The following SLC7A2 variants were observed in gnomAD, a reference collection of about 807,000 sequenced individuals.
SLC7A2 encodes solute carrier family 7 member 2.
Under a neutral mutation model 58.9 loss-of-function variants are expected in SLC7A2, and 48 were observed. The observed-to-expected ratio is 0.82, with a 90% confidence interval of 0.65 to 1.04. SLC7A2 has a LOEUF of 1.04. Among genes scored for constraint, SLC7A2 ranks in the 50% least tolerant of loss-of-function variants. The pLI is 0.00. For missense variants in SLC7A2, 1,029 were observed against 818.8 expected (o/e 1.26, Z -3.13); for synonymous variants, 363 against 314.5 (o/e 1.15, Z -1.63).
At position 17,550,372 on chromosome 8, in the gene SLC7A2, C is replaced by T. The variant is rs149557933; in HGVS notation, c.770C>T (p.Thr257Met). 2.7e-5 allele frequency: 44 copies of T among 1,613,866 alleles called. 1 individual carries two copies. The highest frequency in any genetic ancestry group is 1.5e-4 in the African/African-American group (11 of 74,884). The change falls in exon 6 of 13, where the codon ACG (threonine) becomes ATG (methionine). Residue 257 changes from threonine to methionine, a missense_variant. Coordinates refer to ENST00000494857, the MANE Select transcript of SLC7A2 (RefSeq NM_001370338.1). ...TTTATGCCTTATGGCTTTACGGGAACGTTGGCTGGTGCTGCAACTTGCTTT... is the reference window on the plus strand; with the variant it reads ...TTTATGCCTTATGGCTTTACGGGAATGTTGGCTGGTGCTGCAACTTGCTTT... ...GGFMPYGFTGTLAGAATCFYA... is the reference protein window; with the variant it reads ...GGFMPYGFTGMLAGAATCFYA...
At position 17,543,549 on chromosome 8, in the gene SLC7A2, G is replaced by T. The variant is rs141387723; in HGVS notation, c.210G>T (p.Val70=). ...AKADSGPSIV[V]SFLIAALASV... is the part of the protein sequence containing the mutation. ...CAGACTCGGGCCCCAGCATCGTGGT[G>T]TCCTTCCTCATTGCTGCCCTGGCTT... The change falls in exon 3 of 13, where the codon GTG becomes GTT. Residue 70 remains valine, a synonymous_variant. Transcript: ENST00000494857. 1 of 1,612,332 alleles carries T rather than the reference G, an allele frequency of 6.2e-7. No individual in the cohort carries two copies. Among genetic ancestry groups the T allele is most frequent in the Non-Finnish European group, 8.5e-7 (1 of 1,179,146 alleles).
At position 17,568,175 on chromosome 8, in the gene SLC7A2, A is replaced by G. The variant is rs997974840; in HGVS notation, c.*3029A>G. On this transcript the variant is annotated 3_prime_UTR_variant, in exon 13 of 13. Coordinates refer to ENST00000494857, the MANE Select transcript of SLC7A2 (RefSeq NM_001370338.1). ...GCAGCTTAAATTACTTTTCTTTTCT[A>G]CATTAAGAAATATATTCTCAACATT... 1.3e-5 allele frequency: 2 copies of G among 152,070 alleles called. No homozygotes were observed. The highest frequency in any genetic ancestry group is 2.1e-4 in the South Asian group (1 of 4,822). The allele number at this position is 152,070 out of a possible 1,614,324, so 9.4% of individuals were successfully genotyped here.
At chr8:17,525,471 A>G (rs189709416) in intron 2 of SLC7A2, among the ~76,000 whole-genome samples, 68 of 152,336 alleles carry the variant, frequency 4.5e-4, no homozygotes, top group Non-Finnish European at 2.6e-4. Context: ...TCAACAAGTT[A>G]TCTTTGCATT....
intron 2 of SLC7A2, among the ~76,000 whole-genome samples, chr8:17,522,031 G>A (rs995490451): frequency 6.6e-6 from 1 of 152,136 alleles, no homozygotes; most frequent in Non-Finnish European, 1.5e-5. Context: ...GGTAAGAGGA[G>A]GAAAATGACC....
Position 17,564,963 on chromosome 8 carries a change from C to A in SLC7A2, c.1794C>A (p.Tyr598Ter). The A allele has an allele frequency of 6.4e-7, 1 of 1,574,648 alleles. No homozygotes were observed. Among genetic ancestry groups the A allele is most frequent in the Non-Finnish European group, 8.6e-7 (1 of 1,164,196 alleles). ...SIWMAIGFLI[Y>*]FSYGIRHSLE... ...CTGCCCCAACAGGCTTCCTGATTTA[C>A]TTTTCTTATGGCATTAGACACAGCC... Residue 598 changes from tyrosine to a stop codon, truncating the protein, a stop_gained, in exon 13 of 13, where the codon TAC becomes TAA. Coordinates refer to ENST00000494857, the MANE Select transcript of SLC7A2 (RefSeq NM_001370338.1). LOFTEE classifies it high-confidence loss of function.
At chr8:17,522,393 G>A (rs1445013835) in intron 2 of SLC7A2, among the ~76,000 whole-genome samples, 1 of 152,176 alleles carries the variant, frequency 6.6e-6, no homozygotes, top group South Asian at 2.1e-4. Flanking sequence ...ATTTGGGTGG[G>A]GACACAGCCA....
chr8:17,568,224 G>A lies in SLC7A2; in HGVS notation c.*3078G>A, dbSNP rs1017497614. The A allele has an allele frequency of 3.8e-4, 58 of 151,302 alleles. No individual in the cohort carries two copies. Among genetic ancestry groups the A allele is most frequent in the Non-Finnish European group, 1.3e-4 (9 of 67,906 alleles). 9.4% of individuals were successfully genotyped at this position (151,302 alleles called of 1,614,324 possible). ...TTTTCAGTGAGAATTTCTTGTAATG[G>A]CACCTCAAATTTTATACTCTTAAAA... On this transcript the variant is annotated 3_prime_UTR_variant, in exon 13 of 13. Transcript: ENST00000494857.
intron 2 of SLC7A2, among the ~76,000 whole-genome samples, chr8:17,541,517 C>T (rs139849037): frequency 6.6e-6 from 1 of 152,274 alleles, no homozygotes; most frequent in African/African-American, 2.4e-5. Flanking sequence ...CATCAAGGAA[C>T]GTGTCCTCTA....
intron 2 of SLC7A2, among the ~76,000 whole-genome samples, chr8:17,513,885 T>A (rs541936945): frequency 6.6e-6 from 1 of 152,266 alleles, no homozygotes; most frequent in Admixed American, 6.5e-5. Context: ...GCCAAAAACC[T>A]GTCATCCTGC....
chr8:17,495,869 G>A (rs1030500161), upstream of SLC7A2, among the ~76,000 whole-genome samples: 1 of 152,128 alleles, frequency 6.6e-6, no homozygotes. Context: ...ACTTTTTGAT[G>A]AAATCCATGG....
At position 17,551,991 on chromosome 8, in the gene SLC7A2, A is replaced by G. The variant is rs1167807261; in HGVS notation, c.1055+5A>G. ...TCTCTGCGCCTTGTCAACAAGGTAC[A>G]TTGCATCGCCTTTGGGGCACGGGCT... is the stretch of plus-strand genomic sequence containing the variant. On this transcript the variant is annotated splice_donor_5th_base_variant and intron_variant, in intron 7 of 12. Coordinates refer to ENST00000494857, the MANE Select transcript of SLC7A2 (RefSeq NM_001370338.1). 1.2e-6 allele frequency: 2 copies of G among 1,613,330 alleles called. No homozygotes were observed. Among genetic ancestry groups the G allele is most frequent in the Admixed American group, 1.7e-5 (1 of 60,018 alleles).
chr8:17,538,693 C>A, intron 2 of SLC7A2: 2 of 1,081,510 alleles, frequency 1.8e-6, no homozygotes, highest in Non-Finnish European at 1.3e-6. Context: ...TTGGACATTG[C>A]AAAATAAAAA....
Position 17,554,663 on chromosome 8 carries a change from C to T in SLC7A2, c.1159C>T (p.Pro387Ser), listed in dbSNP as rs1434129224. Residue 387 changes from proline to serine, a missense_variant, in exon 8 of 13, where the codon CCA becomes TCA. Coordinates refer to ENST00000494857, the MANE Select transcript of SLC7A2 (RefSeq NM_001370338.1). ...TCAAATCAATTCCAAAACGAAGACA[C>T]CAATAATTGCTACTTTATCATCGGG... ...LAQINSKTKTPIIATLSSGAV... is the reference protein window; with the variant it reads ...LAQINSKTKTSIIATLSSGAV... 6.2e-7 allele frequency: 1 copy of T among 1,612,796 alleles called. No homozygotes were observed. The highest frequency in any genetic ancestry group is 2.2e-5 in the East Asian group (1 of 44,810).
At chr8:17,523,094 C>T (rs969590511) in intron 2 of SLC7A2, among the ~76,000 whole-genome samples, 1 of 151,852 alleles carries the variant, frequency 6.6e-6, no homozygotes, top group Non-Finnish European at 1.5e-5. Flanking sequence ...CACTGTGGCA[C>T]ATGTATACCC....
chr8:17,539,307 G>T (rs1330462876), intron 2 of SLC7A2, among the ~76,000 whole-genome samples: 1 of 152,092 alleles, frequency 6.6e-6, no homozygotes, highest in Admixed American at 6.6e-5. Flanking sequence ...CGTAGAAATG[G>T]TTATACTTAA....
At chr8:17,530,949 A>G (rs762931693) in intron 2 of SLC7A2, among the ~76,000 whole-genome samples, 1 of 152,224 alleles carries the variant, frequency 6.6e-6, no homozygotes, top group African/African-American at 2.4e-5. Context: ...ATTAATTGTT[A>G]TTTTAAAGTA....
Position 17,563,594 on chromosome 8 carries a change from C to T in SLC7A2, c.1672-9C>T, listed in dbSNP as rs770581718. ...TGAGTATGTTCAAAAGGATTGTTTT[C>T]CCCCTCAGGTTCCATTCTTACCATT... On this transcript the variant is annotated splice_polypyrimidine_tract_variant and intron_variant, in intron 11 of 12. Coordinates refer to ENST00000494857, the MANE Select transcript of SLC7A2 (RefSeq NM_001370338.1). The T allele has an allele frequency of 1.3e-6, 2 of 1,531,832 alleles. No individual in the cohort carries two copies. Among genetic ancestry groups the T allele is most frequent in the South Asian group, 1.1e-5 (1 of 87,606 alleles). 94.9% of individuals were successfully genotyped at this position (1,531,832 alleles called of 1,614,324 possible).
chr8:17,510,409 C>T (rs530687717), intron 2 of SLC7A2, among the ~76,000 whole-genome samples: 3 of 152,230 alleles, frequency 2.0e-5, no homozygotes, highest in East Asian at 1.9e-4. Flanking sequence ...AATTGGCACA[C>T]TGTCGTCCAC....
At chr8:17,564,344 A>G (rs963472500) in intron 12 of SLC7A2, among the ~76,000 whole-genome samples, 3 of 152,210 alleles carry the variant, frequency 2.0e-5, no homozygotes, top group African/African-American at 7.2e-5. Flanking sequence ...ATAAACATTG[A>G]AAAACTTGTT....
Sources: allele counts gnomAD v4.1 joint callset (sites outside exome capture counted in the v4.1 genomes callset), GRCh38; gene constraint gnomAD v4.1.1; transcripts MANE v1.5; gene names NCBI Gene and HGNC (gene_info 2026-07-23, HGNC 2026-07-21).